Variants in TNIK observed in about 807,000 individuals in gnomAD.
TNIK encodes TRAF2 and NCK interacting kinase, also known as TRAF2 and NCK-interacting protein kinase.
Under a neutral mutation model 191.3 loss-of-function variants are expected in TNIK, and 49 were observed. The ratio of observed to expected loss-of-function variants is 0.26; its 90% CI spans 0.20 to 0.32. The LOEUF (loss-of-function observed/expected upper bound fraction) is 0.32. Ranked by LOEUF, TNIK falls within the 10% of genes least tolerant of loss-of-function variation. The pLI, the probability that TNIK is intolerant of heterozygous loss-of-function variation, is 1.00. For missense variants in TNIK, 1,155 were observed against 1,702.3 expected (o/e 0.68, Z 5.66); for synonymous variants, 594 against 600.9 (o/e 0.99, Z 0.17).
At chr3:171,357,115 T>C (rs916570967) in intron 2 of TNIK, among the ~76,000 whole-genome samples, 7 of 152,330 alleles carry the variant, frequency 4.6e-5, no homozygotes, top group Admixed American at 4.6e-4. Flanking sequence ...TCCTATTCTC[T>C]TCTGTCATAT....
chr3:171,340,878 G>A (rs1757433453), intron 2 of TNIK, among the ~76,000 whole-genome samples: 1 of 151,442 alleles, frequency 6.6e-6, no homozygotes, highest in Non-Finnish European at 1.5e-5. Context: ...TCAACACAAT[G>A]ACCTGAGGAC....
intron 32 of TNIK, 21 bp downstream of exon 32, chr3:171,066,166 C>T: frequency 6.2e-7 from 1 of 1,611,192 alleles, no homozygotes; most frequent in Non-Finnish European, 8.5e-7. Flanking sequence ...AACACTAATG[C>T]AAATGTTGAA....
At position 171,060,427 on chromosome 3, in the gene TNIK, A is replaced by G. The variant is rs981986122; in HGVS notation, c.*3454T>C. On this transcript the variant is annotated 3_prime_UTR_variant, in exon 33 of 33. Transcript: ENST00000436636. The stretch of plus-strand genomic sequence containing the variant: ...AAAACATGTACTTGATGCAAAGTAT[A>G]TTAGGAGTGCACCCTAGAAAACAAT... 6.6e-6 allele frequency among the ~76,000 whole-genome samples: 1 copy of G among 152,196 alleles called. No homozygotes were observed. Among genetic ancestry groups the G allele is most frequent in the African/African-American group, 2.4e-5 (1 of 41,456 alleles).
chr3:171,394,718 T>G (rs1720004700), intron 1 of TNIK, among the ~76,000 whole-genome samples: 1 of 152,194 alleles, frequency 6.6e-6, no homozygotes, highest in African/African-American at 2.4e-5. Flanking sequence ...AAAAAACAAA[T>G]GGGAATTCAA....
At chr3:171,190,897 T>C in intron 5 of TNIK, 110 bp from the exon 6 acceptor site, 1 of 690,624 alleles carries the variant, frequency 1.4e-6, no homozygotes. Flanking sequence ...AGACATACTT[T>C]TCAGAATTAT....
At chr3:171,151,034 TTG>T (rs1288690391) in intron 12 of TNIK, among the ~76,000 whole-genome samples, 1 of 152,214 alleles carries the variant, frequency 6.6e-6, no homozygotes, top group African/African-American at 2.4e-5. Context: ...AATCCAGGTT[TTG>T]TGTTAGGCAT....
At chr3:171,113,062 C>T (rs951310584) in intron 18 of TNIK, among the ~76,000 whole-genome samples, 2 of 152,130 alleles carry the variant, frequency 1.3e-5, no homozygotes, top group Non-Finnish European at 2.9e-5. Flanking sequence ...CATTTCACTC[C>T]ATACAAGGTT....
At chr3:171,337,118 G>A (rs1329623065) in intron 2 of TNIK, among the ~76,000 whole-genome samples, 2 of 152,186 alleles carry the variant, frequency 1.3e-5, no homozygotes, top group African/African-American at 4.8e-5. Flanking sequence ...GAAAGAGAAC[G>A]TAAAAGTGTG....
intron 2 of TNIK, among the ~76,000 whole-genome samples, chr3:171,350,324 A>T (rs1231452907): frequency 2.6e-5 from 4 of 152,170 alleles, no homozygotes; most frequent in Non-Finnish European, 5.9e-5. Context: ...TATTTGTTGA[A>T]TCTGAATCTA....
At chr3:171,401,951 T>C (rs59379806) in intron 1 of TNIK, among the ~76,000 whole-genome samples, 1 of 152,342 alleles carries the variant, frequency 6.6e-6, no homozygotes, top group African/African-American at 2.4e-5. Flanking sequence ...ATCACGTCTG[T>C]TTCTTAGGAA....
At chr3:171,190,874 T>C (rs1225896671) in intron 5 of TNIK, 87 bp from the exon 6 acceptor site, 2 of 926,690 alleles carry the variant, frequency 2.2e-6, no homozygotes, top group Non-Finnish European at 3.3e-6. Context: ...ATCCAAAAAC[T>C]TTACACTCAC....
At chr3:171,275,353 T>C (rs1201840462) in intron 2 of TNIK, among the ~76,000 whole-genome samples, 1 of 151,750 alleles carries the variant, frequency 6.6e-6, no homozygotes, top group Non-Finnish European at 1.5e-5. Flanking sequence ...ATGAGATGAA[T>C]AAATGGAGGA....
chr3:171,218,909 T>G, intron 3 of TNIK, among the ~76,000 whole-genome samples: 1 of 135,546 alleles, frequency 7.4e-6, no homozygotes, highest in East Asian at 2.0e-4. Context: ...CATATTTATA[T>G]TAAATATATA....
intron 11 of TNIK, among the ~76,000 whole-genome samples, chr3:171,160,778 A>G (rs1465759399): frequency 6.6e-6 from 1 of 152,160 alleles, no homozygotes; most frequent in African/African-American, 2.4e-5. Flanking sequence ...TCATCTCTAC[A>G]TATAATTTGA....
At chr3:171,240,906 T>TA (rs1259809262) in intron 2 of TNIK, among the ~76,000 whole-genome samples, 1 of 152,246 alleles carries the variant, frequency 6.6e-6, no homozygotes, top group African/African-American at 2.4e-5. Context: ...TCTTGTTCAC[T>TA]ATTCTGTCTT....
chr3:171,170,571 T>C (rs1338893146), intron 9 of TNIK, among the ~76,000 whole-genome samples: 1 of 152,168 alleles, frequency 6.6e-6, no homozygotes, highest in Non-Finnish European at 1.5e-5. Context: ...AGTACTTATC[T>C]CAAAAAAAGT....
chr3:171,128,085 T>C (rs1027654396), intron 16 of TNIK, among the ~76,000 whole-genome samples: 4 of 152,222 alleles, frequency 2.6e-5, no homozygotes, highest in Admixed American at 2.6e-4. Flanking sequence ...TTAATAGTTG[T>C]TCTCAAACTC....
chr3:171,217,703 C>A (rs1741615425), intron 3 of TNIK, among the ~76,000 whole-genome samples: 1 of 152,080 alleles, frequency 6.6e-6, no homozygotes, highest in African/African-American at 2.4e-5. Flanking sequence ...TAGTGGAAGA[C>A]ACAGATATGA....
chr3:171,456,154 A>C (rs1728776404), intron 1 of TNIK, among the ~76,000 whole-genome samples: 1 of 152,222 alleles, frequency 6.6e-6, no homozygotes, highest in Non-Finnish European at 1.5e-5. Context: ...TGAGGTCAGC[A>C]GCAGCCAACT....
Sources: allele counts gnomAD v4.1 joint callset (sites outside exome capture counted in the v4.1 genomes callset), GRCh38; gene constraint gnomAD v4.1.1; transcripts MANE v1.5; gene names NCBI Gene and HGNC (gene_info 2026-07-23, HGNC 2026-07-21).